RAB38: variants seen among roughly 807,000 people sequenced by gnomAD.
The protein encoded by RAB38 is ras-related protein Rab-38.
In RAB38, 15 loss-of-function variants were observed where a neutral mutation model predicts 18.4. The observed-to-expected ratio is 0.82, with a 90% CI of 0.55 to 1.26. The LOEUF (loss-of-function observed/expected upper bound fraction) is 1.26, where lower values mean the gene tolerates loss of function less well. Among genes scored for constraint, RAB38 ranks in the 50% most tolerant of loss-of-function variants. The pLI, the probability that RAB38 is intolerant of heterozygous loss-of-function variation, is 0.00. For missense variants in RAB38, 294 were observed against 267.4 expected (o/e 1.10, Z -0.69); for synonymous variants, 101 against 104.4 (o/e 0.97, Z 0.20).
the RAB38 span, among the ~76,000 whole-genome samples, chr11:87,948,381 C>T: frequency 6.6e-6 from 1 of 152,038 alleles, no homozygotes; most frequent in Non-Finnish European, 1.5e-5. Flanking sequence ...ACTGAATACC[C>T]TTTATTTCCT....
the RAB38 span, among the ~76,000 whole-genome samples, chr11:88,016,015 A>C: frequency 6.6e-6 from 1 of 152,224 alleles, no homozygotes; most frequent in African/African-American, 2.4e-5. Flanking sequence ...ATATTTCGGC[A>C]ATGTGCAATC....
At chr11:88,068,975 G>A in the RAB38 span, among the ~76,000 whole-genome samples, 33 of 152,344 alleles carry the variant, frequency 2.2e-4, no homozygotes, top group African/African-American at 7.0e-4. Flanking sequence ...TCAGCCGGCC[G>A]CTGCAGTGTG....
the RAB38 span, among the ~76,000 whole-genome samples, chr11:88,082,032 G>A: frequency 5.9e-5 from 9 of 151,890 alleles, no homozygotes; most frequent in African/African-American, 1.7e-4. Flanking sequence ...TTTCATTTAC[G>A]TTGCATCCGA....
chr11:87,964,400 T>A, the RAB38 span, among the ~76,000 whole-genome samples: 1 of 152,096 alleles, frequency 6.6e-6, no homozygotes, highest in Non-Finnish European at 1.5e-5. Context: ...ACAAATGGAA[T>A]TGTGGAAGGT....
the RAB38 span, among the ~76,000 whole-genome samples, chr11:87,876,585 C>CTTTGGAG: frequency 6.6e-6 from 1 of 151,510 alleles, no homozygotes; most frequent in African/African-American, 2.4e-5. Context: ...GCTTCTAGGA[C>CTTTGGAG]TTTGGAGTTG....
At chr11:87,855,326 A>C in the RAB38 span, among the ~76,000 whole-genome samples, 2 of 152,154 alleles carry the variant, frequency 1.3e-5, no homozygotes, top group South Asian at 4.1e-4. Context: ...AGGAAAAAAC[A>C]TAGTTTCCAT....
At chr11:88,108,376 C>T (rs112464126), downstream of RAB38, among the ~76,000 whole-genome samples, 8 of 152,078 alleles carry the variant, frequency 5.3e-5, no homozygotes, top group South Asian at 1.5e-3. Context: ...TATGTAATGC[C>T]CTTCTTTGTC....
the RAB38 span, chr11:88,097,969 A>C: frequency 2.9e-4 from 44 of 152,048 alleles, no homozygotes; most frequent in African/African-American, 9.6e-4. Flanking sequence ...TCTTCTTTCC[A>C]AAGTCAGCCT....
At chr11:87,856,185 T>A in the RAB38 span, among the ~76,000 whole-genome samples, 1 of 152,190 alleles carries the variant, frequency 6.6e-6, no homozygotes, top group Non-Finnish European at 1.5e-5. Context: ...TCTTTACAGA[T>A]AAATTTGGAG....
the RAB38 span, among the ~76,000 whole-genome samples, chr11:87,814,153 G>A: frequency 6.6e-6 from 1 of 152,166 alleles, no homozygotes; most frequent in East Asian, 1.9e-4. Flanking sequence ...AGCAAGGAGG[G>A]TAGTACTCCC....
chr11:87,836,365 A>T, the RAB38 span, among the ~76,000 whole-genome samples: 4 of 152,080 alleles, frequency 2.6e-5, no homozygotes, highest in African/African-American at 9.6e-5. Context: ...TATCTACCTG[A>T]TTTCTCAGTC....
the RAB38 span, among the ~76,000 whole-genome samples, chr11:87,909,451 C>T: frequency 6.6e-6 from 1 of 151,938 alleles, no homozygotes; most frequent in East Asian, 1.9e-4. Context: ...TTCTCTCTCT[C>T]TCTGTCTCTC....
chr11:88,094,133 T>C, the RAB38 span, among the ~76,000 whole-genome samples: 7 of 151,876 alleles, frequency 4.6e-5, no homozygotes, highest in East Asian at 9.7e-4. Context: ...CTGAGTACAA[T>C]AGGTAATACA....
At chr11:88,165,225 T>A (rs911934104) in intron 1 of RAB38, among the ~76,000 whole-genome samples, 1 of 152,154 alleles carries the variant, frequency 6.6e-6, no homozygotes, top group Non-Finnish European at 1.5e-5. Context: ...TAGAATAGCA[T>A]GGCTAGAAAA....
chr11:87,883,330 G>T, the RAB38 span, among the ~76,000 whole-genome samples: 1 of 151,848 alleles, frequency 6.6e-6, no homozygotes, highest in East Asian at 2.0e-4. Flanking sequence ...ATGGACATAG[G>T]CTTGAGAATT....
the RAB38 span, among the ~76,000 whole-genome samples, chr11:87,861,254 T>G: frequency 2.0e-5 from 3 of 151,854 alleles, no homozygotes; most frequent in African/African-American, 7.2e-5. Context: ...CACATCTCAG[T>G]TGGTTCAGGT....
the RAB38 span, among the ~76,000 whole-genome samples, chr11:87,942,790 A>G: frequency 6.6e-6 from 1 of 152,154 alleles, no homozygotes; most frequent in African/African-American, 2.4e-5. Context: ...ACTTAGAGGA[A>G]TGTCCACAAG....
the RAB38 span, among the ~76,000 whole-genome samples, chr11:87,966,158 T>C: frequency 1.3e-5 from 2 of 152,146 alleles, no homozygotes; most frequent in Non-Finnish European, 2.9e-5. Context: ...AGATATGGGC[T>C]GGAGGAACCT....
At chr11:88,022,628 A>AAAAAAAC in the RAB38 span, among the ~76,000 whole-genome samples, 1 of 150,556 alleles carries the variant, frequency 6.6e-6, no homozygotes, top group Non-Finnish European at 1.5e-5. Context: ...AAAAAAAAAA[A>AAAAAAAC]AAAACAACTA....
Sources: allele counts gnomAD v4.1 joint callset (sites outside exome capture counted in the v4.1 genomes callset), GRCh38; gene constraint gnomAD v4.1.1; transcripts MANE v1.5; gene names NCBI Gene and HGNC (gene_info 2026-07-23, HGNC 2026-07-21).